Variants in VWA8 observed in about 807,000 individuals in gnomAD.
The protein encoded by VWA8 is von Willebrand factor A domain-containing protein 8.
In VWA8, 221 loss-of-function variants were observed where a neutral mutation model predicts 241.5. The observed-to-expected ratio is 0.91, with a 90% confidence interval of 0.82 to 1.02. VWA8 has a LOEUF of 1.02. Ranked by LOEUF, VWA8 falls within the 50% of genes least tolerant of loss-of-function variation. The pLI is 0.00. For missense variants in VWA8, 2,322 were observed against 2,328.7 expected (o/e 1.00, Z 0.06); for synonymous variants, 852 against 827.1 (o/e 1.03, Z -0.52).
intron 9 of VWA8, among the ~76,000 whole-genome samples, chr13:41,874,554 G>C (rs1873807809): frequency 6.6e-6 from 1 of 152,004 alleles, no homozygotes; most frequent in South Asian, 2.1e-4. Context: ...GACAAACAGA[G>C]AGCCAAATCA....
rs756878260 is a variant in VWA8, at chr13:41,787,514, A to G, written c.2093T>C (p.Leu698Ser). Residue 698 changes from leucine (L) to serine (S), a missense_variant, in exon 18 of 45, where the codon TTA (leucine) becomes TCA (serine). Coordinates refer to ENST00000379310, the MANE Select transcript of VWA8 (RefSeq NM_015058.2). The part of the protein sequence containing the change: ...RFLPSLARSA[L>S]EKNLADATIE... ...TGTAGCATCTGCCAGATTTTTTTCTAATGCTGACCTAGCAAGACTGGGTAA... is the reference window on the plus strand; with the variant it reads ...TGTAGCATCTGCCAGATTTTTTTCTGATGCTGACCTAGCAAGACTGGGTAA... 1 of 1,612,394 alleles carries G rather than the reference A, an allele frequency of 6.2e-7. No homozygotes were observed. The highest frequency in any genetic ancestry group is 2.2e-5 in the East Asian group (1 of 44,742).
chr13:41,720,305 C>T (rs995546868), intron 25 of VWA8, among the ~76,000 whole-genome samples: 11 of 152,010 alleles, frequency 7.2e-5, no homozygotes, highest in African/African-American at 2.7e-4. Flanking sequence ...CCTGGGTCTG[C>T]TTTGATTTTC....
At chr13:41,694,390 C>CTTAACCAAG (rs1350247193) in intron 29 of VWA8, among the ~76,000 whole-genome samples, 5 of 151,974 alleles carry the variant, frequency 3.3e-5, no homozygotes, top group African/African-American at 9.6e-5. Flanking sequence ...AAATTTCTTT[C>CTTAACCAAG]ATAAACATCA....
intron 37 of VWA8, among the ~76,000 whole-genome samples, chr13:41,636,080 C>T (rs939853071): frequency 1.3e-5 from 2 of 152,042 alleles, no homozygotes; most frequent in African/African-American, 4.8e-5. Context: ...TGAAAAATTC[C>T]AATAACCAGA....
At chr13:41,927,556 A>G (rs749306392) in intron 2 of VWA8, among the ~76,000 whole-genome samples, 3 of 152,126 alleles carry the variant, frequency 2.0e-5, no homozygotes, top group Middle Eastern at 3.4e-3. Flanking sequence ...AAAAAAAACT[A>G]TAAGATGTTT....
chr13:41,605,234 A>G lies in VWA8; in HGVS notation c.4920T>C (p.Tyr1640=). ...GCCGAACAGCACCTGAAAACCTTTC[A>G]TAGGTTGCAGCATCGTATTCACTCA... is the stretch of plus-strand genomic sequence containing the variant. ...IQMSEYDAAT[Y]ERFSGAVRRQ... is the part of the protein sequence containing the mutation. The change falls in exon 40 of 45, where the codon TAT becomes TAC. Residue 1640 remains tyrosine (Y), a synonymous_variant. Transcript: ENST00000379310. 1.2e-6 allele frequency: 2 copies of G among 1,613,240 alleles called. No individual in the cohort carries two copies. The highest frequency in any genetic ancestry group is 1.7e-6 in the Non-Finnish European group (2 of 1,179,372).
At chr13:41,868,607 A>G (rs2138053899) in intron 9 of VWA8, 130 bp from the exon 10 acceptor site, 1 of 1,174,558 alleles carries the variant, frequency 8.5e-7, no homozygotes, top group Non-Finnish European at 1.1e-6. Flanking sequence ...AGGTTAGGCC[A>G]AGGGCGGTGG....
At chr13:41,639,139 T>C (rs535331386) in intron 37 of VWA8, among the ~76,000 whole-genome samples, 6 of 151,172 alleles carry the variant, frequency 4.0e-5, no homozygotes, top group African/African-American at 1.5e-4. Flanking sequence ...AAAGTCATTA[T>C]GGAGATTGGG....
At chr13:41,732,909 C>G (rs769789619) in intron 21 of VWA8, among the ~76,000 whole-genome samples, 12 of 152,130 alleles carry the variant, frequency 7.9e-5, no homozygotes, top group Non-Finnish European at 1.8e-4. Flanking sequence ...TATGTAGGGT[C>G]AGATATTTTT....
In VWA8 at chr13:41,675,327, T is replaced by C. The variant is rs940692244; in HGVS notation, c.4328-31A>G. On this transcript the variant is annotated intron_variant, in intron 35 of 44. Transcript: ENST00000379310. ...AACAAGTCATGACATGAGCCAAGTA[T>C]TAAATTACTGCAAGATACCAAAATG... The C allele has an allele frequency of 1.1e-5, 17 of 1,522,286 alleles. 1 individual carries two copies. Among genetic ancestry groups the C allele is most frequent in the Non-Finnish European group, 1.4e-5 (15 of 1,099,640 alleles). 94.3% of individuals were successfully genotyped at this position (1,522,286 alleles called of 1,614,324 possible).
intron 21 of VWA8, 100 bp downstream of exon 21, chr13:41,761,028 T>C: frequency 7.5e-6 from 9 of 1,196,106 alleles, no homozygotes; most frequent in Non-Finnish European, 1.1e-5. Context: ...TAAAACTGGT[T>C]TATAAAATGG....
intron 14 of VWA8, among the ~76,000 whole-genome samples, chr13:41,830,014 G>A (rs535554498): frequency 1.5e-3 from 235 of 152,206 alleles, no homozygotes; most frequent in Middle Eastern, 3.4e-3. Context: ...AGGCCAAGGC[G>A]GGCGGATCAC....
intron 2 of VWA8, among the ~76,000 whole-genome samples, chr13:41,937,295 T>C (rs1345823375): frequency 6.6e-6 from 1 of 152,186 alleles, no homozygotes; most frequent in East Asian, 1.9e-4. Flanking sequence ...AATATATAAT[T>C]AAATAATTAT....
intron 37 of VWA8, among the ~76,000 whole-genome samples, chr13:41,668,116 T>C (rs2044998547): frequency 4.6e-5 from 7 of 152,340 alleles, no homozygotes; most frequent in Admixed American, 3.9e-4. Context: ...ATTATTAATA[T>C]ACTGTTTATC....
At chr13:41,796,004 T>C (rs1468738150) in intron 17 of VWA8, among the ~76,000 whole-genome samples, 2 of 152,146 alleles carry the variant, frequency 1.3e-5, no homozygotes, top group East Asian at 1.9e-4. Context: ...AAATGATTCA[T>C]TCTAGGATCA....
chr13:41,646,475 A>G (rs1362564934), intron 37 of VWA8, among the ~76,000 whole-genome samples: 1 of 152,214 alleles, frequency 6.6e-6, no homozygotes, highest in Non-Finnish European at 1.5e-5. Context: ...AGGACAGGAA[A>G]CTAAGGCTTA....
intron 15 of VWA8, among the ~76,000 whole-genome samples, chr13:41,817,345 A>ACACATAT (rs550725910): frequency 2.2e-4 from 33 of 152,320 alleles, no homozygotes; most frequent in Admixed American, 2.2e-3. Flanking sequence ...TGCCCAAATA[A>ACACATAT]CACATATCGA....
chr13:41,920,551 T>C (rs1365622972), intron 2 of VWA8, among the ~76,000 whole-genome samples: 1 of 150,998 alleles, frequency 6.6e-6, no homozygotes, highest in Non-Finnish European at 1.5e-5. Flanking sequence ...GCAAGACTAA[T>C]AAAGAAGAAA....
chr13:41,880,484 C>A (rs946963051), intron 9 of VWA8, among the ~76,000 whole-genome samples: 1 of 152,188 alleles, frequency 6.6e-6, no homozygotes, highest in African/African-American at 2.4e-5. Context: ...AATCCACAGA[C>A]CCTACTCAAG....
Sources: allele counts gnomAD v4.1 joint callset (sites outside exome capture counted in the v4.1 genomes callset), GRCh38; gene constraint gnomAD v4.1.1; transcripts MANE v1.5; gene names NCBI Gene and HGNC (gene_info 2026-07-23, HGNC 2026-07-21).